Variants in PRCC observed in about 807,000 individuals in gnomAD.
The protein encoded by PRCC is proline rich mitotic checkpoint control factor, also known as proline-rich protein PRCC.
Under a neutral mutation model 44.0 loss-of-function variants are expected in PRCC, and 10 were observed. The ratio of observed to expected loss-of-function variants is 0.23; its 90% CI spans 0.14 to 0.39. The LOEUF (loss-of-function observed/expected upper bound fraction) is 0.39. PRCC is among the 10% of genes least tolerant of loss of function. The pLI is 1.00. For synonymous variants in PRCC, 278 were observed against 259.5 expected (o/e 1.07, Z -0.69); for missense variants, 573 against 624.7 (o/e 0.92, Z 0.88).
At chr1:156,792,714 C>T (rs1178448784) in intron 4 of PRCC, among the ~76,000 whole-genome samples, 2 of 152,156 alleles carry the variant, frequency 1.3e-5, no homozygotes, top group African/African-American at 2.4e-5. Flanking sequence ...CTCAGCCTCC[C>T]AAAGTGCTGG....
chr1:156,797,229 T>C (rs746105782), intron 5 of PRCC, 47 bp from the exon 6 acceptor site: 17 of 1,611,586 alleles, frequency 1.1e-5, no homozygotes, highest in Middle Eastern at 1.6e-4. Flanking sequence ...ATGAGAAACT[T>C]CTGCTTTCAT....
In PRCC at chr1:156,791,856, C is replaced by T. The variant is rs536546172; in HGVS notation, c.1179+64C>T. 506 of 1,445,948 alleles carry T rather than the reference C, an allele frequency of 3.5e-4. 2 individuals are homozygous for T. The African/African-American group carries it at 6.3e-3, about 18-fold the overall frequency. The allele number at this position is 1,445,948 out of a possible 1,614,324, so 89.6% of individuals were successfully genotyped here. The stretch of plus-strand genomic sequence containing the variant: ...GGGCACCACATTTCAAATCTGAAGC[C>T]AAAGGAAATTAAAAAAACACACACA... On this transcript the variant is annotated intron_variant, in intron 4 of 6. Coordinates refer to ENST00000271526, the MANE Select transcript of PRCC (RefSeq NM_005973.5).
intron 4 of PRCC, among the ~76,000 whole-genome samples, chr1:156,792,050 C>CTTTTTTTTTTTTTTTTTT (rs1571592608): frequency 1.2e-5 from 1 of 86,560 alleles, no homozygotes; most frequent in Non-Finnish European, 2.5e-5. Flanking sequence ...ATCTAGTCCC[C>CTTTTTTTTTTTTTTTTTT]TTCTTTTTTT....
rs57206380 is a variant in PRCC at position 156,787,450 on chromosome 1, GATATATAT to G, written c.1083+317_1083+324del. On this transcript the variant is annotated intron_variant, in intron 3 of 6. Transcript: ENST00000271526. Reference sequence around the variant, plus strand: ...ATAATATTTGTACATATTTGTGATTGATATATATATATATATATATATATATATATATA... The same window carrying G: ...ATAATATTTGTACATATTTGTGATTGATATATATATATATATATATATATA... Among the ~76,000 whole-genome samples, 270 of 124,794 alleles carry G rather than the reference GATATATAT, an allele frequency of 2.2e-3. 2 individuals are homozygous for G. The highest frequency in any genetic ancestry group is 8.3e-3 in the African/African-American group (254 of 30,708). 81.9% of individuals were successfully genotyped at this position (124,794 alleles called of 152,430 possible). A position where few individuals can be genotyped will look rare whatever the true frequency, so the allele number is the denominator to read the frequency against.
chr1:156,779,171 C>A, intron 1 of PRCC, among the ~76,000 whole-genome samples: 1 of 79,826 alleles, frequency 1.3e-5, no homozygotes, highest in Non-Finnish European at 2.3e-5. Context: ...TTTTTTTCTC[C>A]TGAGATAGGG....
intron 1 of PRCC, among the ~76,000 whole-genome samples, chr1:156,769,663 G>A (rs1461564494): frequency 1.3e-5 from 2 of 151,816 alleles, no homozygotes; most frequent in African/African-American, 4.8e-5. Context: ...GCAGTGGCAC[G>A]ATCTCTGCTC....
At chr1:156,783,014 C>T (rs937287756) in intron 2 of PRCC, among the ~76,000 whole-genome samples, 1 of 152,168 alleles carries the variant, frequency 6.6e-6, no homozygotes, top group Non-Finnish European at 1.5e-5. Flanking sequence ...AAGTGATTCT[C>T]CTGCCTTAGC....
chr1:156,784,902 G>C (rs1394202570), intron 2 of PRCC, among the ~76,000 whole-genome samples: 1 of 152,108 alleles, frequency 6.6e-6, no homozygotes, highest in Non-Finnish European at 1.5e-5. Flanking sequence ...TGAGCTTACA[G>C]ATCAAAAGTT....
intron 3 of PRCC, among the ~76,000 whole-genome samples, chr1:156,790,019 G>A (rs914719375): frequency 6.6e-6 from 1 of 152,230 alleles, no homozygotes; most frequent in Non-Finnish European, 1.5e-5. Context: ...GGGGGACCTG[G>A]CACCAGTGGT....
rs74118760 is a variant in PRCC at position 156,769,299 on chromosome 1, T to C, written c.468+1060T>C. ...CGGTGAGGACTTCCCTAGCCTACTA[T>C]GTATTTAAATTGCAACCTCCTATCA... On this transcript the variant is annotated intron_variant, in intron 1 of 6. Coordinates refer to ENST00000271526, the MANE Select transcript of PRCC (RefSeq NM_005973.5). 2.9e-3 allele frequency among the ~76,000 whole-genome samples: 442 copies of C among 152,370 alleles called. 1 individual carries two copies. Among genetic ancestry groups the C allele is most frequent in the African/African-American group, 9.0e-3 (375 of 41,600 alleles).
At chr1:156,798,400 T>C (rs919172486) in intron 6 of PRCC, among the ~76,000 whole-genome samples, 7 of 152,192 alleles carry the variant, frequency 4.6e-5, no homozygotes, top group South Asian at 2.1e-4. Context: ...GTGGTCCTTA[T>C]GCTAGATTCA....
chr1:156,797,365 G>T (rs1188538892), intron 6 of PRCC, 24 bp downstream of exon 6: 2 of 1,613,844 alleles, frequency 1.2e-6, no homozygotes, highest in South Asian at 2.2e-5. Context: ...GAGGGCTCTG[G>T]CTCAGGCAGG....
Position 156,791,786 on chromosome 1 carries a change from C to T in PRCC, c.1173C>T (p.Asp391=), listed in dbSNP as rs370411374. 2.5e-5 allele frequency: 40 copies of T among 1,613,110 alleles called. No homozygotes were observed. Among genetic ancestry groups the T allele is most frequent in the South Asian group, 8.8e-5 (8 of 90,998 alleles). ...EIAPDASFID[D]EAFKRLQGKR... ...CCCCAGATGCCTCCTTCATCGATGA[C>T]GAAGCAGTAAGTTAAGAAAGCACAA... Residue 391 remains aspartate (D), a synonymous_variant, in exon 4 of 7, where the codon GAC becomes GAT. Transcript: ENST00000271526.
chr1:156,774,207 T>C (rs1651739916), intron 1 of PRCC, among the ~76,000 whole-genome samples: 1 of 129,576 alleles, frequency 7.7e-6, no homozygotes, highest in Admixed American at 8.3e-5. Context: ...ACAGAGTCTC[T>C]CTGTGTTGCC....
chr1:156,794,802 C>T lies in PRCC; in HGVS notation c.1317C>T (p.Phe439=). ...SLTEEKTMKS[F]SKKKGEQPTG... ...CAGAAGAGAAAACCATGAAGTCATT[C>T]AGCAAAGTAAGTGGGAAACGTCTAT... The change falls in exon 5 of 7, where the codon TTC becomes TTT. Residue 439 remains phenylalanine (F), a synonymous_variant. Coordinates refer to ENST00000271526, the MANE Select transcript of PRCC (RefSeq NM_005973.5). 1 of 1,614,152 alleles carries T rather than the reference C, an allele frequency of 6.2e-7. No individual in the cohort carries two copies. Among genetic ancestry groups the T allele is most frequent in the Non-Finnish European group, 8.5e-7 (1 of 1,180,024 alleles).
intron 4 of PRCC, among the ~76,000 whole-genome samples, chr1:156,793,738 C>A (rs181421244): frequency 6.6e-6 from 1 of 151,958 alleles, no homozygotes; most frequent in Admixed American, 6.6e-5. Flanking sequence ...TTTTTAGAGG[C>A]GAGGTCTTGC....
At chr1:156,791,836 C>G (rs751522911) in intron 4 of PRCC, 44 bp downstream of exon 4, 1 of 1,523,242 alleles carries the variant, frequency 6.6e-7, no homozygotes, top group Non-Finnish European at 9.0e-7. Context: ...CCGCTGGGCA[C>G]CACATTTCAA....
At chr1:156,772,866 G>A (rs79760562) in intron 1 of PRCC, among the ~76,000 whole-genome samples, 3,659 of 152,274 alleles carry the variant, frequency 0.024, 172 homozygotes, top group African/African-American at 0.083. Flanking sequence ...AGTTTATAAA[G>A]AAGAAAACAG....
intron 6 of PRCC, among the ~76,000 whole-genome samples, chr1:156,798,195 C>T (rs1652726176): frequency 6.6e-6 from 1 of 152,222 alleles, no homozygotes; most frequent in Non-Finnish European, 1.5e-5. Flanking sequence ...CAGCTAACTA[C>T]TAATTGCCTA....
Sources: gnomAD v4.1 joint callset for allele counts (sites outside exome capture counted in the v4.1 genomes callset) on GRCh38, gnomAD v4.1.1 for gene constraint, MANE v1.5 for transcripts, NCBI Gene and HGNC (gene_info 2026-07-23, HGNC 2026-07-21) for gene names.